Variants in MCF2L2 observed in about 807,000 individuals in gnomAD.
MCF2L2 encodes the protein probable guanine nucleotide exchange factor MCF2L2.
In MCF2L2, 102 loss-of-function variants were observed where a neutral mutation model predicts 150.2. That is an observed-to-expected ratio of 0.68 (90% CI 0.58 to 0.80). The LOEUF (loss-of-function observed/expected upper bound fraction) is 0.80, where lower values mean the gene tolerates loss of function less well. Among genes scored for constraint, MCF2L2 ranks in the 30% least tolerant of loss-of-function variants. The pLI is 0.00. For missense variants in MCF2L2, 1,256 were observed against 1,372.8 expected, an observed-to-expected ratio of 0.91 and a Z score of 1.34; for synonymous variants, 465 against 491.3, an observed-to-expected ratio of 0.95 and a Z score of 0.71.
chr3:183,358,356 T>A (rs1353941421), intron 3 of MCF2L2, among the ~76,000 whole-genome samples: 2 of 151,996 alleles, frequency 1.3e-5, no homozygotes, highest in African/African-American at 4.8e-5. Flanking sequence ...TTAGAATGCA[T>A]ACCATATATG....
intron 1 of MCF2L2, among the ~76,000 whole-genome samples, chr3:183,412,677 T>C (rs1715376312): frequency 6.6e-6 from 1 of 152,222 alleles, no homozygotes; most frequent in Non-Finnish European, 1.5e-5. Context: ...CAGATAGTTT[T>C]ACTCCCTTTC....
intron 3 of MCF2L2, among the ~76,000 whole-genome samples, chr3:183,346,589 G>A (rs1277677890): frequency 1.3e-5 from 2 of 152,130 alleles, no homozygotes; most frequent in African/African-American, 4.8e-5. Flanking sequence ...TGAAATAAAG[G>A]GTATTCAAAT....
chr3:183,351,027 G>GT (rs1393647748), intron 3 of MCF2L2, among the ~76,000 whole-genome samples: 1 of 151,094 alleles, frequency 6.6e-6, no homozygotes, highest in Non-Finnish European at 1.5e-5. Context: ...TCCAATCTTA[G>GT]TAACTCCTCT....
intron 2 of MCF2L2, among the ~76,000 whole-genome samples, chr3:183,383,957 A>C (rs894011433): frequency 6.6e-6 from 1 of 152,182 alleles, no homozygotes. Context: ...TTTAAGAAGC[A>C]CTATGCTCCT....
intron 2 of MCF2L2, among the ~76,000 whole-genome samples, chr3:183,383,763 T>G (rs1251100081): frequency 6.6e-6 from 1 of 152,202 alleles, no homozygotes; most frequent in Non-Finnish European, 1.5e-5. Context: ...CAGTTCCTTA[T>G]ATTTTATTTT....
rs372340629 is a variant in MCF2L2 at position 183,179,916 on chromosome 3, G to A, written c.3105+155C>T. Among the ~76,000 whole-genome samples the A allele has an allele frequency of 3.3e-5, 5 of 152,278 alleles. No homozygotes were observed. The highest frequency in any genetic ancestry group is 6.5e-5 in the Admixed American group (1 of 15,302). On this transcript the variant is annotated intron_variant, in intron 28 of 29. Coordinates refer to ENST00000328913, the MANE Select transcript of MCF2L2 (RefSeq NM_015078.4). The surrounding 1 kb of genome is among the most constrained non-coding windows in gnomAD (Gnocchi z 4.2). ...ACTAGGAGGGTCAGAGCCAGTTTGA[G>A]GGTCTGGTGACCTCGGCTCCCTGGC...
At chr3:183,323,976 C>T (rs746847699) in intron 5 of MCF2L2, among the ~76,000 whole-genome samples, 9 of 152,216 alleles carry the variant, frequency 5.9e-5, no homozygotes, top group South Asian at 2.1e-4. Flanking sequence ...AATTTTCAGT[C>T]ATAAGTTCCC....
At chr3:183,212,759 G>A (rs1304523180) in intron 22 of MCF2L2, among the ~76,000 whole-genome samples, 3 of 152,100 alleles carry the variant, frequency 2.0e-5, no homozygotes, top group African/African-American at 4.8e-5. Context: ...AGCAGAAGCT[G>A]TGGGAGCCTG....
intron 25 of MCF2L2, among the ~76,000 whole-genome samples, chr3:183,199,243 G>T (rs989106865): frequency 6.6e-6 from 1 of 152,054 alleles, no homozygotes; most frequent in African/African-American, 2.4e-5. Flanking sequence ...TATCTCTAAA[G>T]AAAAAAGTTA....
rs765523814 is a variant in MCF2L2 at position 183,193,357 on chromosome 3, C to CTTTTTT, written c.2919-267_2919-262dup. On this transcript the variant is annotated intron_variant, in intron 26 of 29. Transcript: ENST00000328913. The stretch of plus-strand genomic sequence containing the variant: ...TGCAAATCTTTTTTTCTTTTTCTTT[C>CTTTTTT]TTTTTTTTTTTGAGACAGAGTCTCG... Among the ~76,000 whole-genome samples the CTTTTTT allele has an allele frequency of 2.2e-3, 312 of 139,476 alleles. 9 individuals are homozygous for CTTTTTT. Among genetic ancestry groups the CTTTTTT allele is most frequent in the Middle Eastern group, 7.4e-3 (2 of 270 alleles). The allele number at this position is 139,476 out of a possible 152,430, so 91.5% of individuals were successfully genotyped here. A position where few individuals can be genotyped will look rare whatever the true frequency, so the allele number is the denominator to read the frequency against.
chr3:183,336,127 G>A (rs564786761), intron 5 of MCF2L2, among the ~76,000 whole-genome samples: 50 of 152,000 alleles, frequency 3.3e-4, no homozygotes, highest in African/African-American at 1.0e-3. Flanking sequence ...TTATTATAGC[G>A]GCACGAACAA....
intron 3 of MCF2L2, among the ~76,000 whole-genome samples, chr3:183,348,831 T>C (rs1220096448): frequency 6.6e-6 from 1 of 152,204 alleles, no homozygotes; most frequent in African/African-American, 2.4e-5. Flanking sequence ...GAATCCTAAA[T>C]GTCTAAGCGT....
intron 14 of MCF2L2, among the ~76,000 whole-genome samples, chr3:183,279,071 C>CA (rs1439880740): frequency 3.5e-4 from 53 of 151,392 alleles, no homozygotes; most frequent in African/African-American, 1.2e-3. Flanking sequence ...GCACAGTATA[C>CA]CATGTTTTAT....
intron 15 of MCF2L2, among the ~76,000 whole-genome samples, chr3:183,244,275 TG>T (rs1229716747): frequency 6.6e-6 from 1 of 151,748 alleles, no homozygotes; most frequent in Admixed American, 6.6e-5. Flanking sequence ...CTTCCTGCCC[TG>T]GAACATCAGA....
At chr3:183,229,475 C>G (rs993594883) in intron 17 of MCF2L2, among the ~76,000 whole-genome samples, 191 bp downstream of exon 17, 1 of 152,176 alleles carries the variant, frequency 6.6e-6, no homozygotes, top group Non-Finnish European at 1.5e-5. Flanking sequence ...TGTCTCTTCC[C>G]TTTCTCTCCA....
At chr3:183,301,427 T>C (rs1237626229) in intron 10 of MCF2L2, among the ~76,000 whole-genome samples, 1 of 152,144 alleles carries the variant, frequency 6.6e-6, no homozygotes. Flanking sequence ...GGAGCTAGTA[T>C]TTTAAATCGG....
At chr3:183,329,879 G>C (rs1305152924) in intron 5 of MCF2L2, among the ~76,000 whole-genome samples, 1 of 152,180 alleles carries the variant, frequency 6.6e-6, no homozygotes, top group Non-Finnish European at 1.5e-5. Flanking sequence ...GCATGTTACT[G>C]TACTGAACAT....
At chr3:183,259,112 G>C (rs1725352807) in intron 15 of MCF2L2, among the ~76,000 whole-genome samples, 1 of 152,114 alleles carries the variant, frequency 6.6e-6, no homozygotes, top group South Asian at 2.1e-4. Context: ...ACTGCATATG[G>C]GTTTCTAATA....
chr3:183,343,191 T>TTAAGGAA (rs1730769076), intron 3 of MCF2L2, among the ~76,000 whole-genome samples: 6 of 152,068 alleles, frequency 3.9e-5, no homozygotes, highest in Non-Finnish European at 8.8e-5. Context: ...TATTTTTCCT[T>TTAAGGAA]AAATATGAGA....
Sources: allele counts gnomAD v4.1 joint callset (sites outside exome capture counted in the v4.1 genomes callset), GRCh38; gene constraint gnomAD v4.1.1; non-coding constraint Gnocchi (gnomAD v3.1); transcripts MANE v1.5; gene names NCBI Gene and HGNC (gene_info 2026-07-23, HGNC 2026-07-21).